UTRN: variants seen among roughly 807,000 people sequenced by gnomAD.
UTRN encodes utrophin, also known as dystrophin-related protein 1.
In UTRN, 283 loss-of-function variants were observed where a neutral mutation model predicts 463.9. The ratio of observed to expected loss-of-function variants is 0.61; its 90% CI spans 0.55 to 0.67. The LOEUF (loss-of-function observed/expected upper bound fraction) is 0.67. Among genes scored for constraint, UTRN ranks in the 30% least tolerant of loss-of-function variants. The pLI is 0.00. For missense variants in UTRN, 3,922 were observed against 4,084.3 expected (o/e 0.96, Z 1.08); for synonymous variants, 1,442 against 1,431.5 (o/e 1.01, Z -0.17).
chr6:144,677,086 T>G (rs1781694112), intron 51 of UTRN, among the ~76,000 whole-genome samples: 1 of 151,906 alleles, frequency 6.6e-6, no homozygotes, highest in Non-Finnish European at 1.5e-5. Flanking sequence ...AATTGAGGAG[T>G]CAGTGTATTG....
chr6:144,730,401 T>C lies in UTRN; in HGVS notation c.7854T>C (p.Asn2618=). Residue 2618 remains asparagine (N), a synonymous_variant, in exon 54 of 75, where the codon AAT becomes AAC. Transcript: ENST00000367545. ...AGGAGAAAGAATATTCTGTCCTGAA[T>C]GCTGTCGACCAGGCCCGAGTTTTCT... ...ELKEKEYSVL[N]AVDQARVFLA... 1 of 1,612,466 alleles carries C rather than the reference T, an allele frequency of 6.2e-7. No homozygotes were observed. Among genetic ancestry groups the C allele is most frequent in the Non-Finnish European group, 8.5e-7 (1 of 1,179,120 alleles).
In UTRN at chr6:144,407,261, A is replaced by G. The variant is rs377082341; in HGVS notation, c.141+4077A>G. On this transcript the variant is annotated intron_variant, in intron 3 of 74. Transcript: ENST00000367545. ...TATCCAGTAAACTATTTGTAGGCTT[A>G]ATAAATAAATGAATGACAATGACAT... Among the ~76,000 whole-genome samples, 20 of 152,298 alleles carry G rather than the reference A, an allele frequency of 1.3e-4. No homozygotes were observed. In the East Asian group the frequency reaches 2.5e-3, roughly 19 times the overall value.
intron 53 of UTRN, among the ~76,000 whole-genome samples, chr6:144,718,550 A>G (rs1358210108): frequency 6.6e-6 from 1 of 152,202 alleles, no homozygotes; most frequent in Non-Finnish European, 1.5e-5. Flanking sequence ...TAGTAAAATG[A>G]GAGAGATGAT....
At chr6:144,414,869 C>G (rs529979890) in intron 3 of UTRN, among the ~76,000 whole-genome samples, 15 of 152,164 alleles carry the variant, frequency 9.9e-5, no homozygotes, top group Non-Finnish European at 1.9e-4. Context: ...GTGTGCACCA[C>G]CACAACCAGC....
At chr6:144,746,562 C>T (rs545619535) in intron 54 of UTRN, among the ~76,000 whole-genome samples, 31 of 152,122 alleles carry the variant, frequency 2.0e-4, no homozygotes, top group African/African-American at 7.2e-4. Context: ...CTGCAACCTC[C>T]ATCTCCTGGG....
At chr6:144,514,503 A>T in intron 36 of UTRN, 147 bp from the exon 37 acceptor site, 2 of 792,818 alleles carry the variant, frequency 2.5e-6, no homozygotes, top group Non-Finnish European at 4.0e-6. Context: ...TCCTATGTGA[A>T]CAGCTCTCAC....
intron 52 of UTRN, among the ~76,000 whole-genome samples, chr6:144,686,525 TC>T (rs1209722488): frequency 6.6e-6 from 1 of 152,154 alleles, no homozygotes; most frequent in African/African-American, 2.4e-5. Context: ...GCAGTCTATC[TC>T]TTTTCTTAGG....
intron 46 of UTRN, among the ~76,000 whole-genome samples, chr6:144,547,379 G>T (rs181358856): frequency 3.6e-4 from 55 of 152,168 alleles, no homozygotes; most frequent in Admixed American, 7.8e-4. Context: ...AACCATTAAT[G>T]GTTTATTAAT....
rs776562617 is a variant in UTRN, at chr6:144,474,647, A to G, written c.3224A>G (p.Asn1075Ser). Residue 1075 changes from asparagine to serine, a missense_variant, in exon 25 of 75, where the codon AAC becomes AGC. This residue lies in a region of UTRN where 2,349 missense variants were observed against 2,303.8 expected (regional missense o/e 1.02). Transcript: ENST00000367545. ...GAAACAATTGAATCATCTCTGAAAA[A>G]CATGAAGGAAATAGAGACTAATCTT... is the stretch of plus-strand genomic sequence containing the variant. The part of the protein sequence containing the change: ...EIETIESSLK[N>S]MKEIETNLRS... 4.3e-6 allele frequency: 7 copies of G among 1,613,792 alleles called. 1 individual carries two copies. The South Asian group carries it at 5.5e-5, about 13-fold the overall frequency.
intron 60 of UTRN, 80 bp downstream of exon 60, chr6:144,774,444 G>A (rs1323389350): frequency 3.1e-6 from 4 of 1,301,348 alleles, no homozygotes; most frequent in Admixed American, 2.6e-5. Flanking sequence ...TAAATGAAGA[G>A]GATGGAGTGT....
intron 3 of UTRN, among the ~76,000 whole-genome samples, chr6:144,418,624 G>T (rs979079592): frequency 1.3e-5 from 2 of 151,816 alleles, no homozygotes; most frequent in Non-Finnish European, 2.9e-5. Context: ...GTAGTGCAGT[G>T]GCATGCAGTC....
rs1487866021 is a variant in UTRN, at chr6:144,820,983, T to C, written c.9459T>C (p.Pro3153=). The C allele has an allele frequency of 1.2e-6, 2 of 1,613,850 alleles. No individual in the cohort carries two copies. Among genetic ancestry groups the C allele is most frequent in the Middle Eastern group, 1.6e-4 (1 of 6,084 alleles). The change falls in exon 66 of 75, where the codon CCT becomes CCC. Residue 3153 remains proline, a synonymous_variant. Transcript: ENST00000367545. ...AACACCCTCGACTTGGTTACCTGCC[T>C]GTCCAGACAGTTCTTGAAGGTGACA... is the stretch of plus-strand genomic sequence containing the variant. ...FAKHPRLGYL[P]VQTVLEGDNL...
rs1554221093 is a variant in UTRN at position 144,346,187 on chromosome 6, A to AT, written c.79+54280_79+54281insT. On this transcript the variant is annotated intron_variant, in intron 2 of 74. Coordinates refer to ENST00000367545, the MANE Select transcript of UTRN (RefSeq NM_007124.3). ...AGCAAAACTCTGTCTCAAAAAAAAA[A>AT]AAAATAAAATAAAAAAGCAGGCTTT... 4.6e-4 allele frequency among the ~76,000 whole-genome samples: 70 copies of AT among 151,638 alleles called. 1 individual carries two copies. The highest frequency in any genetic ancestry group is 1.5e-3 in the South Asian group (7 of 4,806).
rs1795104847 is a variant in UTRN, at chr6:144,510,845, T to C, written c.4765-99T>C. The C allele has an allele frequency of 2.7e-6, 3 of 1,096,278 alleles. No individual in the cohort carries two copies. In the East Asian group the frequency reaches 8.8e-5, roughly 32 times the overall value. The allele number at this position is 1,096,278 out of a possible 1,614,324, so 67.9% of individuals were successfully genotyped here. On this transcript the variant is annotated intron_variant, in intron 34 of 74. Transcript: ENST00000367545. ...AATTATATAGGGAGTCATGGACTAC[T>C]TTGTATATGTGGCAGAAAAGTTTTT... is the stretch of plus-strand genomic sequence containing the variant.
chr6:144,500,033 G>A (rs539478450), intron 34 of UTRN, among the ~76,000 whole-genome samples: 19 of 152,312 alleles, frequency 1.2e-4, no homozygotes, highest in African/African-American at 4.6e-4. Context: ...CACCTAGGTT[G>A]ATGACATGTC....
intron 2 of UTRN, among the ~76,000 whole-genome samples, chr6:144,383,290 G>C (rs1357885415): frequency 6.6e-6 from 1 of 152,148 alleles, no homozygotes; most frequent in Non-Finnish European, 1.5e-5. Flanking sequence ...CCAACTTGTA[G>C]ACCAGAAATA....
At chr6:144,426,180 A>T in intron 6 of UTRN, 107 bp from the exon 7 acceptor site, 1 of 1,356,804 alleles carries the variant, frequency 7.4e-7, no homozygotes, top group Non-Finnish European at 1.0e-6. Flanking sequence ...TACCTGATCC[A>T]TAATGGTTAA....
chr6:144,390,118 A>G (rs1781777758), intron 2 of UTRN, among the ~76,000 whole-genome samples: 1 of 152,226 alleles, frequency 6.6e-6, no homozygotes, highest in South Asian at 2.1e-4. Flanking sequence ...AATGGTAAAT[A>G]TGTGAGGCAA....
intron 11 of UTRN, among the ~76,000 whole-genome samples, 157 bp downstream of exon 11, chr6:144,437,903 A>G (rs1786740807): frequency 6.6e-6 from 1 of 152,246 alleles, no homozygotes; most frequent in African/African-American, 2.4e-5. Flanking sequence ...GGAATTCTGC[A>G]TGATCTTTGT....
Sources: gnomAD v4.1 joint callset for allele counts (sites outside exome capture counted in the v4.1 genomes callset) on GRCh38, gnomAD v4.1.1 for gene constraint, gnomAD v4.1.1 regional missense constraint, MANE v1.5 for transcripts, NCBI Gene and HGNC (gene_info 2026-07-23, HGNC 2026-07-21) for gene names.